Variants in CNTNAP2 observed in about 807,000 individuals in gnomAD.
CNTNAP2 encodes contactin associated protein 2.
In CNTNAP2, 98 loss-of-function variants were observed where a neutral mutation model predicts 155.2. That is an observed-to-expected ratio of 0.63 (90% CI 0.54 to 0.75). The LOEUF (loss-of-function observed/expected upper bound fraction) is 0.75, where lower values mean the gene tolerates loss of function less well. CNTNAP2 is among the 30% of genes least tolerant of loss of function. The pLI, the probability that CNTNAP2 is intolerant of heterozygous loss-of-function variation, is 0.00. For synonymous variants in CNTNAP2, 651 were observed against 631.2 expected (o/e 1.03, Z -0.47); for missense variants, 1,727 against 1,688.1 (o/e 1.02, Z -0.40).
intron 1 of CNTNAP2, among the ~76,000 whole-genome samples, chr7:146,558,897 G>C (rs1798238548): frequency 6.6e-6 from 1 of 152,194 alleles, no homozygotes; most frequent in Admixed American, 6.5e-5. Flanking sequence ...ATGTCTACAA[G>C]ATTCATCTCT....
chr7:146,616,427 GGAT>G lies in CNTNAP2; in HGVS notation c.98-157837_98-157835del, dbSNP rs374274751. ...GACAAATAAGTGAAATTTGCAGTGA[GGAT>G]GATGATTGTTCAATATGAGGATGGC... On this transcript the variant is annotated intron_variant, in intron 1 of 23. Transcript: ENST00000361727. Among the ~76,000 whole-genome samples the G allele has an allele frequency of 3.3e-5, 5 of 152,248 alleles. No homozygotes were observed. The South Asian group carries it at 6.2e-4, about 19-fold the overall frequency.
At chr7:146,881,641 T>C (rs1209253109) in intron 3 of CNTNAP2, among the ~76,000 whole-genome samples, 1 of 151,658 alleles carries the variant, frequency 6.6e-6, no homozygotes, top group South Asian at 2.1e-4. Flanking sequence ...ACACAATAAA[T>C]GGAAAATATG....
intron 15 of CNTNAP2, among the ~76,000 whole-genome samples, chr7:148,094,165 G>A (rs1474848399): frequency 6.6e-6 from 1 of 152,062 alleles, no homozygotes; most frequent in Non-Finnish European, 1.5e-5. Flanking sequence ...CTGCCCATGG[G>A]GACTTGAACA....
At chr7:147,164,042 G>C (rs577446206) in intron 8 of CNTNAP2, among the ~76,000 whole-genome samples, 2 of 152,284 alleles carry the variant, frequency 1.3e-5, no homozygotes, top group East Asian at 3.9e-4. Context: ...TACGTGACAG[G>C]TGTTTATGCC....
intron 8 of CNTNAP2, among the ~76,000 whole-genome samples, chr7:147,278,287 A>C (rs1361068584): frequency 6.6e-6 from 1 of 151,786 alleles, no homozygotes; most frequent in African/African-American, 2.4e-5. Flanking sequence ...TCCATAGTTC[A>C]TAGTGATTTC....
intron 13 of CNTNAP2, among the ~76,000 whole-genome samples, chr7:147,788,919 T>C (rs1199251176): frequency 7.1e-6 from 1 of 141,712 alleles, no homozygotes; most frequent in Non-Finnish European, 1.6e-5. Flanking sequence ...TTTTTTTTTT[T>C]TTTGAGACAG....
Position 146,450,935 on chromosome 7 carries a change from A to ATATTTATTTATTTATTTATTTATT in CNTNAP2, c.98-323330_98-323307dup, listed in dbSNP as rs60956135. On this transcript the variant is annotated intron_variant, in intron 1 of 23. Transcript: ENST00000361727. ...AGATGCTGTTATTTTCATAGTAAAA[A>ATATTTATTTATTTATTTATTTATT]TATTTATTTATTTATTTATTTATTT... 1.7e-3 allele frequency among the ~76,000 whole-genome samples: 260 copies of ATATTTATTTATTTATTTATTTATT among 148,852 alleles called. 2 individuals are homozygous for ATATTTATTTATTTATTTATTTATT. The highest frequency in any genetic ancestry group is 8.3e-3 in the East Asian group (42 of 5,076).
intron 10 of CNTNAP2, among the ~76,000 whole-genome samples, chr7:147,452,707 T>C (rs892960297): frequency 1.3e-5 from 2 of 152,180 alleles, no homozygotes; most frequent in African/African-American, 4.8e-5. Context: ...CTAATATATA[T>C]ATCAGTCATT....
At chr7:147,193,444 C>T (rs758483180) in intron 8 of CNTNAP2, among the ~76,000 whole-genome samples, 4 of 152,156 alleles carry the variant, frequency 2.6e-5, no homozygotes, top group African/African-American at 9.7e-5. Context: ...TTCTGGGGTG[C>T]ACTAGGCTAA....
chr7:146,488,674 C>A (rs1797094756), intron 1 of CNTNAP2, among the ~76,000 whole-genome samples: 1 of 152,026 alleles, frequency 6.6e-6, no homozygotes, highest in Non-Finnish European at 1.5e-5. Context: ...GTTTTTTGTG[C>A]TGGTGTACAG....
chr7:146,340,052 C>T (rs941108106), intron 1 of CNTNAP2, among the ~76,000 whole-genome samples: 1 of 151,442 alleles, frequency 6.6e-6, no homozygotes, highest in Non-Finnish European at 1.5e-5. Context: ...GCCTGTAATC[C>T]CAGCTACTCA....
chr7:146,398,462 A>G (rs1179310505), intron 1 of CNTNAP2, among the ~76,000 whole-genome samples: 1 of 152,012 alleles, frequency 6.6e-6, no homozygotes, highest in African/African-American at 2.4e-5. Context: ...ATCCCTGATT[A>G]CCTCCCACTG....
intron 15 of CNTNAP2, among the ~76,000 whole-genome samples, chr7:148,066,637 A>T (rs1803270184): frequency 6.6e-6 from 1 of 151,828 alleles, no homozygotes; most frequent in Admixed American, 6.6e-5. Context: ...AGCTGGGACT[A>T]CAGGCGCCCA....
chr7:146,721,937 G>T (rs1801343548), intron 1 of CNTNAP2, among the ~76,000 whole-genome samples: 1 of 132,504 alleles, frequency 7.5e-6, no homozygotes, highest in South Asian at 2.2e-4. Flanking sequence ...AGCCCAGGCT[G>T]GAGTGCAGTG....
intron 8 of CNTNAP2, among the ~76,000 whole-genome samples, chr7:147,236,832 A>C (rs1220957577): frequency 2.6e-5 from 4 of 151,798 alleles, no homozygotes; most frequent in Non-Finnish European, 5.9e-5. Context: ...AAATCCTCCC[A>C]TCCAGTAACC....
At chr7:146,341,565 CAATTT>C (rs745560944) in intron 1 of CNTNAP2, among the ~76,000 whole-genome samples, 21 of 152,026 alleles carry the variant, frequency 1.4e-4, no homozygotes, top group Non-Finnish European at 2.6e-4. Flanking sequence ...ACAAGTAAAA[CAATTT>C]AATCACACAT....
chr7:146,615,233 A>G (rs777612058), intron 1 of CNTNAP2, among the ~76,000 whole-genome samples: 2 of 152,208 alleles, frequency 1.3e-5, no homozygotes, highest in African/African-American at 2.4e-5. Flanking sequence ...GTACACAATC[A>G]TTAAACTAAA....
chr7:147,738,317 T>A (rs1490846929), intron 13 of CNTNAP2, among the ~76,000 whole-genome samples: 1 of 152,044 alleles, frequency 6.6e-6, no homozygotes, highest in Non-Finnish European at 1.5e-5. Context: ...TGAAAGAAGT[T>A]CTACTCTGAG....
intron 3 of CNTNAP2, among the ~76,000 whole-genome samples, chr7:146,981,374 A>G (rs1192904090): frequency 6.6e-6 from 1 of 152,218 alleles, no homozygotes; most frequent in East Asian, 1.9e-4. Flanking sequence ...TGTATTACTA[A>G]CCCAGCAAAA....
Sources: gnomAD v4.1 joint callset for allele counts (sites outside exome capture counted in the v4.1 genomes callset) on GRCh38, gnomAD v4.1.1 for gene constraint, MANE v1.5 for transcripts, NCBI Gene and HGNC (gene_info 2026-07-23, HGNC 2026-07-21) for gene names.